Variants in PRELID2 observed in about 807,000 individuals in gnomAD.
PRELID2 encodes the protein PRELI domain-containing protein 2.
In PRELID2, 25 loss-of-function variants were observed where a neutral mutation model predicts 28.4. That is an observed-to-expected ratio of 0.88 (90% CI 0.64 to 1.23). The LOEUF is 1.23. Ranked by LOEUF, PRELID2 falls within the 50% of genes most tolerant of loss-of-function variation. The probability of loss-of-function intolerance (pLI) is 0.00; values close to 1 mark genes in which losing one functional copy is unlikely to be tolerated. For synonymous variants in PRELID2, 76 were observed against 71.6 expected, an observed-to-expected ratio of 1.06 and a Z score of -0.31; for missense variants, 201 against 214.4, an observed-to-expected ratio of 0.94 and a Z score of 0.39.
At chr5:145,684,055 C>T (rs1172404912) in intron 1 of PRELID2, among the ~76,000 whole-genome samples, 2 of 151,974 alleles carry the variant, frequency 1.3e-5, no homozygotes, top group Admixed American at 6.6e-5. Flanking sequence ...TGCCTGGAAC[C>T]GGACAAATAC....
chr5:145,729,614 C>T (rs534863150), intron 1 of PRELID2, among the ~76,000 whole-genome samples: 13 of 152,280 alleles, frequency 8.5e-5, no homozygotes, highest in Admixed American at 6.5e-4. Context: ...CTGGTTCTTC[C>T]GAGTACTCAG....
chr5:145,459,439 T>C, the PRELID2 span, among the ~76,000 whole-genome samples: 2 of 152,110 alleles, frequency 1.3e-5, no homozygotes, highest in African/African-American at 4.8e-5. Flanking sequence ...ATAGTATACC[T>C]AGAAAAGTCA....
intron 1 of PRELID2, among the ~76,000 whole-genome samples, chr5:145,686,779 A>G (rs1182403602): frequency 2.0e-5 from 3 of 152,148 alleles, no homozygotes; most frequent in South Asian, 2.1e-4. Context: ...AAAGTACCCA[A>G]CATCTGGGTA....
At chr5:145,491,718 G>C (rs1046626817) in intron 1 of PRELID2, among the ~76,000 whole-genome samples, 1 of 150,590 alleles carries the variant, frequency 6.6e-6, no homozygotes, top group Non-Finnish European at 1.5e-5. Context: ...AGTACCCCCT[G>C]ACCCTGGTAA....
intron 1 of PRELID2, among the ~76,000 whole-genome samples, chr5:145,559,549 A>T (rs1456784151): frequency 1.3e-5 from 2 of 152,218 alleles, no homozygotes; most frequent in African/African-American, 4.8e-5. Context: ...ATAGCAATGC[A>T]TCTTAAAATC....
At position 145,817,975 on chromosome 5, in the gene PRELID2, C is replaced by T. The variant is rs1292390600; in HGVS notation, c.287G>A (p.Arg96Gln). ...LNPRERNMAIRSHCLTWTQYA... is the reference protein window; with the variant it reads ...LNPRERNMAIQSHCLTWTQYA... ...CTGTGTCCACGTAAGGCAGTGACTC[C>T]GTATGGCCATGTTTCTTTCCCGAGG... The change falls in exon 4 of 7, where the codon CGG becomes CAG. Residue 96 changes from arginine (R) to glutamine (Q), a missense_variant. Transcript: ENST00000683046. 8 of 1,610,762 alleles carry T rather than the reference C, an allele frequency of 5.0e-6. No homozygotes were observed. Among genetic ancestry groups the T allele is most frequent in the East Asian group, 2.2e-5 (1 of 44,732 alleles).
intron 1 of PRELID2, among the ~76,000 whole-genome samples, chr5:145,684,168 G>A (rs1754991212): frequency 6.6e-6 from 1 of 152,176 alleles, no homozygotes; most frequent in Admixed American, 6.6e-5. Context: ...CAAAGACAAT[G>A]AGGAAGAACA....
intron 1 of PRELID2, among the ~76,000 whole-genome samples, chr5:145,623,392 G>A (rs561798842): frequency 1.3e-4 from 20 of 151,648 alleles, no homozygotes; most frequent in Non-Finnish European, 2.1e-4. Context: ...AGGTTGCAGT[G>A]AGCCAAGATC....
chr5:145,394,958 G>A, the PRELID2 span, among the ~76,000 whole-genome samples: 5 of 152,164 alleles, frequency 3.3e-5, no homozygotes, highest in Admixed American at 6.5e-5. Flanking sequence ...TGGTTATTAC[G>A]TATTTTGGGT....
chr5:145,416,552 G>C, the PRELID2 span, among the ~76,000 whole-genome samples: 1 of 152,050 alleles, frequency 6.6e-6, no homozygotes, highest in African/African-American at 2.4e-5. Context: ...ATGACTCTTG[G>C]GTAAATAATG....
intron 1 of PRELID2, among the ~76,000 whole-genome samples, chr5:145,515,045 G>A (rs1184070461): frequency 6.6e-6 from 1 of 152,060 alleles, no homozygotes; most frequent in Admixed American, 6.6e-5. Flanking sequence ...ATGGCCACAG[G>A]ACAAAGCGGG....
the PRELID2 span, among the ~76,000 whole-genome samples, chr5:145,347,570 T>C: frequency 6.6e-6 from 1 of 152,148 alleles, no homozygotes. Context: ...GGCTATTTTA[T>C]TATCCATGGA....
chr5:145,606,110 T>C (rs959592509), intron 1 of PRELID2, among the ~76,000 whole-genome samples: 14 of 152,220 alleles, frequency 9.2e-5, no homozygotes, highest in African/African-American at 2.2e-4. Context: ...TTTTTGAACA[T>C]TGTTTTTGCA....
At chr5:145,258,188 A>T in the PRELID2 span, among the ~76,000 whole-genome samples, 1 of 152,200 alleles carries the variant, frequency 6.6e-6, no homozygotes, top group Non-Finnish European at 1.5e-5. Context: ...AGTCTCAGGT[A>T]TTTCTTTACA....
At chr5:145,302,585 C>A in the PRELID2 span, among the ~76,000 whole-genome samples, 2 of 151,522 alleles carry the variant, frequency 1.3e-5, no homozygotes, top group Non-Finnish European at 2.9e-5. Flanking sequence ...GTATTGTTAG[C>A]CAATATTCTT....
the PRELID2 span, among the ~76,000 whole-genome samples, chr5:145,251,644 C>G: frequency 6.6e-6 from 1 of 152,040 alleles, no homozygotes; most frequent in Non-Finnish European, 1.5e-5. Context: ...TTATTTGAGC[C>G]CTGGATACCC....
chr5:145,764,732 T>C (rs1757640495), intron 6 of PRELID2, among the ~76,000 whole-genome samples, 199 bp downstream of exon 6: 1 of 152,198 alleles, frequency 6.6e-6, no homozygotes, highest in Non-Finnish European at 1.5e-5. Context: ...CAGCATGTAA[T>C]ACAAAACTGC....
rs528900947 is a variant in PRELID2, at chr5:145,697,638, A to T, written n.70+67293T>A. ...ATTTACTTTCTGCTTCATTACAGAAAAAGTTTCCTGACCCTCTACTCTTTA... is the reference window on the plus strand; with the variant it reads ...ATTTACTTTCTGCTTCATTACAGAATAAGTTTCCTGACCCTCTACTCTTTA... On this transcript the variant is annotated intron_variant and non_coding_transcript_variant, in intron 1 of 2. Coordinates refer to the PRELID2 transcript ENST00000510259. 2.6e-5 allele frequency among the ~76,000 whole-genome samples: 4 copies of T among 152,290 alleles called. No homozygotes were observed. The South Asian group carries it at 6.2e-4, about 24-fold the overall frequency.
rs551792784 is a variant in PRELID2, at chr5:145,803,497, G to A, written c.369-6950C>T. On this transcript the variant is annotated intron_variant, in intron 4 of 6. Coordinates refer to ENST00000683046, the MANE Select transcript of PRELID2 (RefSeq NM_205846.3). ...ATTAGACCATTTACATTCACATCTT[G>A]TTTTAGCTTGCCTACCCACCCACGT... Among the ~76,000 whole-genome samples, 11 of 152,090 alleles carry A rather than the reference G, an allele frequency of 7.2e-5. 1 individual carries two copies. The South Asian group carries it at 2.3e-3, about 32-fold the overall frequency.
Sources: allele counts gnomAD v4.1 joint callset (sites outside exome capture counted in the v4.1 genomes callset), GRCh38; gene constraint gnomAD v4.1.1; transcripts MANE v1.5; gene names NCBI Gene and HGNC (gene_info 2026-07-23, HGNC 2026-07-21).